Variants in COL14A1 observed in about 807,000 individuals in gnomAD.
The protein encoded by COL14A1 is collagen type XIV alpha 1 chain.
In COL14A1, 136 loss-of-function variants were observed where a neutral mutation model predicts 230.3. The observed-to-expected ratio is 0.59, with a 90% CI of 0.51 to 0.68. COL14A1 has a LOEUF of 0.68. COL14A1 is among the 30% of genes least tolerant of loss of function. The pLI, the probability that COL14A1 is intolerant of heterozygous loss-of-function variation, is 0.00. For missense variants in COL14A1, 1,976 were observed against 2,215.8 expected, an observed-to-expected ratio of 0.89 and a Z score of 2.17; for synonymous variants, 792 against 784.1, an observed-to-expected ratio of 1.01 and a Z score of -0.17.
intron 19 of COL14A1, among the ~76,000 whole-genome samples, chr8:120,238,838 T>A (rs1018556753): frequency 1.3e-5 from 2 of 152,160 alleles, no homozygotes; most frequent in African/African-American, 4.8e-5. Flanking sequence ...TGGTCCCTCA[T>A]GGCTTCCCTT....
Position 120,326,510 on chromosome 8 carries a change from A to G in COL14A1, c.4660-5631A>G, listed in dbSNP as rs1821674788. ...GCAAATAAAAAATCTTTCAAAGGCA[A>G]ATTTACTGGTGTCATTTAAGAGTTT... On this transcript the variant is annotated intron_variant, in intron 40 of 47. Coordinates refer to ENST00000297848, the MANE Select transcript of COL14A1 (RefSeq NM_021110.4). Among the ~76,000 whole-genome samples, 3 of 152,298 alleles carry G rather than the reference A, an allele frequency of 2.0e-5. No individual in the cohort carries two copies. In the South Asian group the frequency reaches 6.2e-4, roughly 32 times the overall value.
chr8:120,270,542 T>G (rs1257481759), intron 26 of COL14A1, among the ~76,000 whole-genome samples: 1 of 151,788 alleles, frequency 6.6e-6, no homozygotes, highest in Non-Finnish European at 1.5e-5. Context: ...CTATAGATCA[T>G]GTGGAACATG....
chr8:120,368,228 CTTA>C (rs952476535), intron 46 of COL14A1, among the ~76,000 whole-genome samples: 1 of 152,024 alleles, frequency 6.6e-6, no homozygotes, highest in African/African-American at 2.4e-5. Context: ...AATTTGCAAT[CTTA>C]TTATAATATA....
intron 11 of COL14A1, 52 bp from the exon 12 acceptor site, chr8:120,209,704 C>A (rs1817561473): frequency 2.0e-6 from 3 of 1,512,944 alleles, no homozygotes; most frequent in Middle Eastern, 1.8e-4. Context: ...TTTCATTTTT[C>A]TCAAGGACAC....
chr8:120,262,459 G>A (rs946708569), intron 23 of COL14A1, among the ~76,000 whole-genome samples: 14 of 151,848 alleles, frequency 9.2e-5, no homozygotes, highest in African/African-American at 3.1e-4. Context: ...ATGACAGAGT[G>A]GGACTCCATC....
intron 31 of COL14A1, 64 bp downstream of exon 31, chr8:120,281,123 T>C: frequency 6.8e-7 from 1 of 1,475,716 alleles, no homozygotes; most frequent in African/African-American, 1.4e-5. Context: ...GTGAAAATGA[T>C]GTCAACTTGA....
At chr8:120,359,078 T>A (rs1442994923) in intron 45 of COL14A1, among the ~76,000 whole-genome samples, 5 of 151,902 alleles carry the variant, frequency 3.3e-5, no homozygotes, top group Non-Finnish European at 5.9e-5. Context: ...TTTTTTTTTA[T>A]GTTAACTTTT....
chr8:120,221,603 CT>C (rs1817938530), intron 14 of COL14A1, among the ~76,000 whole-genome samples: 1 of 151,634 alleles, frequency 6.6e-6, no homozygotes, highest in Admixed American at 6.6e-5. Context: ...TTTAGTCCTT[CT>C]TCCTCTTTGG....
At chr8:120,148,489 T>A (rs1332810930) in intron 2 of COL14A1, among the ~76,000 whole-genome samples, 1 of 152,226 alleles carries the variant, frequency 6.6e-6, no homozygotes, top group Non-Finnish European at 1.5e-5. Flanking sequence ...GTCAAATTTT[T>A]ATGTTATGAT....
At chr8:120,270,488 A>G in intron 26 of COL14A1, among the ~76,000 whole-genome samples, 1 of 151,798 alleles carries the variant, frequency 6.6e-6, no homozygotes, top group African/African-American at 2.4e-5. Flanking sequence ...CCTGCCCTTA[A>G]GCACTTTAAA....
intron 34 of COL14A1, among the ~76,000 whole-genome samples, chr8:120,295,576 G>A (rs1820501742): frequency 6.6e-6 from 1 of 151,716 alleles, no homozygotes; most frequent in Admixed American, 6.6e-5. Context: ...TATTATTATT[G>A]TGGAAACAAA....
intron 1 of COL14A1, among the ~76,000 whole-genome samples, chr8:120,136,432 T>C (rs1814709668): frequency 6.6e-6 from 1 of 152,040 alleles, no homozygotes; most frequent in African/African-American, 2.4e-5. Context: ...GTGGATATTA[T>C]CTTGATGGTT....
intron 42 of COL14A1, among the ~76,000 whole-genome samples, chr8:120,339,241 C>T (rs944015602): frequency 1.3e-5 from 2 of 152,140 alleles, no homozygotes; most frequent in Non-Finnish European, 2.9e-5. Context: ...AAGGCCTTTG[C>T]GATCCTCCCA....
In COL14A1 at chr8:120,371,643, C is replaced by T. The variant is rs1044861847; in HGVS notation, c.*412C>T. On this transcript the variant is annotated 3_prime_UTR_variant, in exon 48 of 48. Coordinates refer to ENST00000297848, the MANE Select transcript of COL14A1 (RefSeq NM_021110.4). ...ATTCAAAGAGGTTCAAAGAATATGTCACTTACTCCTACTTGCTGTAGGAAT... is the reference window on the plus strand; with the variant it reads ...ATTCAAAGAGGTTCAAAGAATATGTTACTTACTCCTACTTGCTGTAGGAAT... 1.8e-5 allele frequency: 7 copies of T among 398,486 alleles called. No individual in the cohort carries two copies. Among genetic ancestry groups the T allele is most frequent in the African/African-American group, 1.4e-4 (7 of 48,576 alleles). The allele number at this position is 398,486 out of a possible 1,614,324, so 24.7% of individuals were successfully genotyped here. A position where few individuals can be genotyped will look rare whatever the true frequency, so the allele number is the denominator to read the frequency against.
intron 18 of COL14A1, among the ~76,000 whole-genome samples, chr8:120,230,299 A>G (rs750121730): frequency 2.6e-5 from 4 of 151,858 alleles, no homozygotes; most frequent in Non-Finnish European, 2.9e-5. Flanking sequence ...TTTCCCCTTC[A>G]CTGTAATACA....
rs753751053 is a variant in COL14A1, at chr8:120,342,374, A to T, written c.4822-6A>T. ...GAGTCAGGAGTATGCTTTTTTTCTCATCCAGGGTGACCTGCAGTCTCAAGC... is the reference window on the plus strand; with the variant it reads ...GAGTCAGGAGTATGCTTTTTTTCTCTTCCAGGGTGACCTGCAGTCTCAAGC... On this transcript the variant is annotated splice_polypyrimidine_tract_variant and splice_region_variant and intron_variant, in intron 43 of 47. Coordinates refer to ENST00000297848, the MANE Select transcript of COL14A1 (RefSeq NM_021110.4). 23 of 1,613,814 alleles carry T rather than the reference A, an allele frequency of 1.4e-5. 1 individual carries two copies. The East Asian group carries it at 5.1e-4, about 36-fold the overall frequency.
At chr8:120,351,343 C>A (rs1822764732) in intron 45 of COL14A1, among the ~76,000 whole-genome samples, 1 of 137,036 alleles carries the variant, frequency 7.3e-6, no homozygotes, top group East Asian at 2.2e-4. Flanking sequence ...AAAGCAAGAG[C>A]AAACACATTC....
At chr8:120,209,979 A>C (rs1817573131) in intron 12 of COL14A1, 78 bp downstream of exon 12, 1 of 1,171,210 alleles carries the variant, frequency 8.5e-7, no homozygotes, top group South Asian at 3.5e-5. Flanking sequence ...GTAAAAATTT[A>C]ATGTAGAAAA....
intron 36 of COL14A1, among the ~76,000 whole-genome samples, chr8:120,304,344 A>T (rs888081217): frequency 1.3e-5 from 2 of 152,028 alleles, no homozygotes; most frequent in African/African-American, 4.8e-5. Context: ...TAGGTTGTTA[A>T]TTTGAGATCC....
Sources: gnomAD v4.1 joint callset for allele counts (sites outside exome capture counted in the v4.1 genomes callset) on GRCh38, gnomAD v4.1.1 for gene constraint, MANE v1.5 for transcripts, NCBI Gene and HGNC (gene_info 2026-07-23, HGNC 2026-07-21) for gene names.